The following RRAGB variants were observed in gnomAD, a reference collection of about 807,000 sequenced individuals.
The protein encoded by RRAGB is ras-related GTP-binding protein B.
Under a neutral mutation model 29.3 loss-of-function variants are expected in RRAGB, and 6 were observed. The ratio of observed to expected loss-of-function variants is 0.21; its 90% confidence interval spans 0.11 to 0.40. The LOEUF (loss-of-function observed/expected upper bound fraction) is 0.40. Among genes scored for constraint, RRAGB ranks in the 10% least tolerant of loss-of-function variants. The probability of loss-of-function intolerance (pLI) is 1.00; values close to 1 mark genes in which losing one functional copy is unlikely to be tolerated. For missense variants in RRAGB, 184 were observed against 272.9 expected, an observed-to-expected ratio of 0.67 and a Z score of 2.29; for synonymous variants, 101 against 92.5, an observed-to-expected ratio of 1.09 and a Z score of -0.53.
chrX:55,749,437 G>C (rs1438013328), intron 5 of RRAGB, among the ~76,000 whole-genome samples: 8 of 106,963 alleles, frequency 7.5e-5, no homozygotes, highest in African/African-American at 2.7e-4. Flanking sequence ...CGCCCGGCCA[G>C]CTGCCCCGTC....
chrX:55,755,867 G>A lies in RRAGB; in HGVS notation c.762G>A (p.Glu254=). 1 of 1,206,584 alleles carries A rather than the reference G, an allele frequency of 8.3e-7. No homozygotes were observed. The highest frequency in any genetic ancestry group is 1.7e-5 in the African/African-American group (1 of 57,607). Residue 254 remains glutamate (E), a synonymous_variant, in exon 8 of 10, where the codon GAG becomes GAA. Transcript: ENST00000374941. ...FLVISHYQCK[E]QRDAHRFEKI... is the part of the protein sequence containing the mutation. ...TAATTTCTCACTATCAGTGTAAAGA[G>A]CAGCGTGATGCCCATAGATTTGAGA...
intron 2 of RRAGB, among the ~76,000 whole-genome samples, chrX:55,719,976 T>G (rs1432345703): frequency 8.9e-6 from 1 of 112,397 alleles, no homozygotes; most frequent in Non-Finnish European, 1.9e-5. Flanking sequence ...AAGATTGTTG[T>G]GACGTTTAAA....
At chrX:55,725,012 A>G (rs1212901711) in intron 3 of RRAGB, among the ~76,000 whole-genome samples, 1 of 112,014 alleles carries the variant, frequency 8.9e-6, no homozygotes, top group Non-Finnish European at 1.9e-5. Context: ...TGCTGTTTTT[A>G]TATAGCTGAT....
In RRAGB at chrX:55,747,163, T is replaced by C. The variant is rs762843789; in HGVS notation, c.517-3938T>C. ...ACCATTGCAGTTTTCTCAGGCCAAA[T>C]AGAGTTAATATCAGATATGGATGGA... On this transcript the variant is annotated intron_variant, in intron 5 of 9. Transcript: ENST00000374941. 2.7e-5 allele frequency among the ~76,000 whole-genome samples: 3 copies of C among 111,976 alleles called. No individual in the cohort carries two copies. The South Asian group carries it at 1.1e-3, about 42-fold the overall frequency.
chrX:55,755,004 G>A (rs778185022), intron 7 of RRAGB: 139 of 600,129 alleles, frequency 2.3e-4, no homozygotes, highest in Non-Finnish European at 2.7e-4. Flanking sequence ...GGTTGTAGAG[G>A]TTAACCTAAT....
chrX:55,748,339 A>T (rs1213082153), intron 5 of RRAGB, among the ~76,000 whole-genome samples: 3 of 95,278 alleles, frequency 3.1e-5, no homozygotes, highest in Non-Finnish European at 2.1e-5. Flanking sequence ...ATCCTCTGGG[A>T]TGTGAGGAGC....
At chrX:55,722,933 C>A (rs2033336489) in intron 3 of RRAGB, among the ~76,000 whole-genome samples, 1 of 111,408 alleles carries the variant, frequency 9.0e-6, no homozygotes, top group Admixed American at 9.6e-5. Flanking sequence ...AGCATTCAAG[C>A]ATTTCTGGAT....
chrX:55,727,072 T>G (rs1177084966), intron 3 of RRAGB, among the ~76,000 whole-genome samples: 1 of 111,148 alleles, frequency 9.0e-6, no homozygotes, highest in Non-Finnish European at 1.9e-5. Context: ...GAGAATTTTT[T>G]GAGAAGAGAG....
chrX:55,756,344 G>A (rs1400545321), intron 8 of RRAGB, among the ~76,000 whole-genome samples: 2 of 112,156 alleles, frequency 1.8e-5, no homozygotes, highest in Non-Finnish European at 3.8e-5. Flanking sequence ...GGTACAGAAT[G>A]GAGAGTCTAG....
At position 55,717,764 on chromosome X, in the gene RRAGB, C is replaced by T. The variant is rs2033099604; in HGVS notation, c.-564C>T. 2 of 113,021 alleles carry T rather than the reference C, an allele frequency of 1.8e-5. No homozygotes were observed. The highest frequency in any genetic ancestry group is 6.4e-5 in the African/African-American group (2 of 31,157). The allele number at this position is 113,021 out of a possible 1,213,427, so 9.3% of individuals were successfully genotyped here. A position where few individuals can be genotyped will look rare whatever the true frequency, so the allele number is the denominator to read the frequency against. On this transcript the variant is annotated 5_prime_UTR_variant, in exon 1 of 10. Coordinates refer to ENST00000374941, the MANE Select transcript of RRAGB (RefSeq NM_006064.5). The stretch of plus-strand genomic sequence containing the variant: ...GGGGTAAGGCAGATGCCCACGTGAT[C>T]CTGGCCTGCAGTTGGGTGGCTGCGG...
At chrX:55,726,688 T>C (rs2146749496) in intron 3 of RRAGB, among the ~76,000 whole-genome samples, 1 of 110,614 alleles carries the variant, frequency 9.0e-6, no homozygotes, top group African/African-American at 3.3e-5. Context: ...GAAACTGAGG[T>C]TTTGGCTTAG....
chrX:55,757,241 A>T lies in RRAGB; in HGVS notation c.853A>T (p.Met285Leu). Reference protein sequence around the residue: ...CSKLAASFQSMEVRNSNFAAF... With the variant: ...CSKLAASFQSLEVRNSNFAAF... ...CAAGCTGGCTGCCTCTTTCCAGAGT[A>T]TGGAAGTCAGGAACTCTAACTTCGC... Residue 285 changes from methionine to leucine, a missense_variant, in exon 9 of 10, where the codon ATG becomes TTG. Transcript: ENST00000374941. 8.4e-7 allele frequency: 1 copy of T among 1,192,885 alleles called. No individual in the cohort carries two copies. Among genetic ancestry groups the T allele is most frequent in the Non-Finnish European group, 1.1e-6 (1 of 880,743 alleles).
chrX:55,733,890 C>T (rs1246060552), intron 5 of RRAGB, among the ~76,000 whole-genome samples: 3 of 109,474 alleles, frequency 2.7e-5, no homozygotes, highest in Non-Finnish European at 5.7e-5. Context: ...AGTTCTTTGA[C>T]TGTCTCATAG....
chrX:55,754,720 T>G (rs1327066901), intron 7 of RRAGB, among the ~76,000 whole-genome samples: 6 of 112,143 alleles, frequency 5.4e-5, no homozygotes, highest in Non-Finnish European at 1.1e-4. Flanking sequence ...AAAGTACAAT[T>G]TTTCCCTCTT....
intron 5 of RRAGB, among the ~76,000 whole-genome samples, chrX:55,739,024 T>C (rs1315629021): frequency 8.9e-6 from 1 of 112,301 alleles, no homozygotes; most frequent in African/African-American, 3.2e-5. Flanking sequence ...GAATCCACAT[T>C]GGGAGAAGGA....
chrX:55,719,358 T>C lies in RRAGB; in HGVS notation c.126+11T>C. 1 of 1,163,395 alleles carries C rather than the reference T, an allele frequency of 8.6e-7. No homozygotes were observed. Among genetic ancestry groups the C allele is most frequent in the Non-Finnish European group, 1.2e-6 (1 of 865,321 alleles). On this transcript the variant is annotated intron_variant, in intron 2 of 9. Coordinates refer to ENST00000374941, the MANE Select transcript of RRAGB (RefSeq NM_006064.5). ...GCCATGAAGAAAAAGGTAAGACGTGTTAGATACGTCAAAACCATGAAGGTA... is the reference window on the plus strand; with the variant it reads ...GCCATGAAGAAAAAGGTAAGACGTGCTAGATACGTCAAAACCATGAAGGTA...
chrX:55,749,175 G>A (rs1276021651), intron 5 of RRAGB, among the ~76,000 whole-genome samples: 1 of 94,482 alleles, frequency 1.1e-5, no homozygotes, highest in Non-Finnish European at 2.2e-5. Flanking sequence ...CGCCCCGTCC[G>A]GGAGGGAAGT....
chrX:55,749,043 C>T (rs770492574), intron 5 of RRAGB, among the ~76,000 whole-genome samples: 28 of 101,050 alleles, frequency 2.8e-4, no homozygotes, highest in Non-Finnish European at 4.9e-4. Flanking sequence ...CCAGCCGCCC[C>T]GTCTGGGAGG....
At chrX:55,728,399 A>G (rs2033556291) in intron 3 of RRAGB, among the ~76,000 whole-genome samples, 2 of 109,913 alleles carry the variant, frequency 1.8e-5, no homozygotes, top group Admixed American at 1.9e-4. Context: ...CAAGTTTGCG[A>G]CCCCTGGTGT....
Sources: allele counts gnomAD v4.1 joint callset (sites outside exome capture counted in the v4.1 genomes callset), GRCh38; gene constraint gnomAD v4.1.1; transcripts MANE v1.5; gene names NCBI Gene and HGNC (gene_info 2026-07-23, HGNC 2026-07-21).